Variants in FANCI observed in about 807,000 individuals in gnomAD.
FANCI encodes FA complementation group I.
In FANCI, 156 loss-of-function variants were observed where a neutral mutation model predicts 176.1. The ratio of observed to expected loss-of-function variants is 0.89; its 90% confidence interval spans 0.78 to 1.01. The LOEUF (loss-of-function observed/expected upper bound fraction) is 1.01. FANCI is among the 50% of genes least tolerant of loss of function. FANCI has a pLI of 0.00. For missense variants in FANCI, 1,678 were observed against 1,534.1 expected (o/e 1.09, Z -1.57); for synonymous variants, 613 against 541.7 (o/e 1.13, Z -1.83).
chr15:89,312,977 G>C lies in FANCI; in HGVS notation c.3720+5G>C. The C allele has an allele frequency of 6.2e-7, 1 of 1,613,832 alleles. No homozygotes were observed. The highest frequency in any genetic ancestry group is 8.5e-7 in the Non-Finnish European group (1 of 1,179,806). On this transcript the variant is annotated splice_donor_5th_base_variant and intron_variant, in intron 35 of 37. Transcript: ENST00000310775. ...GCTGCCGTTGCCACAGCCATGGTAAGCTGCTGACACTGACCGTTAAAATAT... is the reference window on the plus strand; with the variant it reads ...GCTGCCGTTGCCACAGCCATGGTAACCTGCTGACACTGACCGTTAAAATAT...
intron 16 of FANCI, 195 bp from the exon 17 acceptor site, chr15:89,282,941 A>G: frequency 3.3e-6 from 2 of 607,366 alleles, no homozygotes; most frequent in Non-Finnish European, 3.0e-6. Flanking sequence ...GAAAAAAGTC[A>G]GTTGAATTTC....
chr15:89,254,464 C>A (rs1266514144), intron 2 of FANCI, among the ~76,000 whole-genome samples: 2 of 152,116 alleles, frequency 1.3e-5, no homozygotes, highest in Admixed American at 1.3e-4. Flanking sequence ...TTGGCCAAAT[C>A]TGGGACTATT....
Position 89,317,055 on chromosome 15 carries a change from T to C in FANCI, c.*596T>C, listed in dbSNP as rs1335030828. The C allele has an allele frequency of 1.7e-6, 1 of 592,976 alleles. No homozygotes were observed. Among genetic ancestry groups the C allele is most frequent in the African/African-American group, 1.9e-5 (1 of 53,718 alleles). The allele number at this position is 592,976 out of a possible 1,614,324, so 36.7% of individuals were successfully genotyped here. On this transcript the variant is annotated 3_prime_UTR_variant, in exon 38 of 38. Coordinates refer to ENST00000310775, the MANE Select transcript of FANCI (RefSeq NM_001113378.2). ...AGCTTTCTGATTTACTTGTTTGGTA[T>C]TTAAAGCACAGTTTGTTTTTCTGTC...
intron 16 of FANCI, 133 bp downstream of exon 16, chr15:89,281,968 C>A: frequency 1.2e-6 from 1 of 822,822 alleles, no homozygotes; most frequent in Admixed American, 1.9e-5. Flanking sequence ...GCAATTTCAT[C>A]AAATAAGGCA....
At chr15:89,311,426 G>T (rs1446596894) in intron 34 of FANCI, among the ~76,000 whole-genome samples, 1 of 152,138 alleles carries the variant, frequency 6.6e-6, no homozygotes, top group East Asian at 1.9e-4. Flanking sequence ...CTCAAAAAAA[G>T]ATGCTTCTCT....
chr15:89,293,813 CTCT>C lies in FANCI; in HGVS notation c.2292-18_2292-16del. Reference sequence around the variant, plus strand: ...TATTCTGATGTTTGTCCTTAGCGGTCTCTTTTTTGTTTTTTACAGTAAGAATAG... The same window carrying C: ...TATTCTGATGTTTGTCCTTAGCGGTCTTTTTGTTTTTTACAGTAAGAATAG... On this transcript the variant is annotated splice_polypyrimidine_tract_variant and intron_variant, in intron 22 of 37. Transcript: ENST00000310775. The C allele has an allele frequency of 6.2e-7, 1 of 1,611,882 alleles. No homozygotes were observed. Among genetic ancestry groups the C allele is most frequent in the South Asian group, 1.1e-5 (1 of 90,882 alleles).
chr15:89,316,229 CCTTCCTCTT>C, intron 37 of FANCI, 159 bp from the exon 38 acceptor site: 1 of 710,080 alleles, frequency 1.4e-6, no homozygotes, highest in South Asian at 1.7e-5. Context: ...TTGGAGGACT[CCTTCCTCTT>C]CTTCAACAAC....
chr15:89,296,651 C>G (rs34026288), intron 24 of FANCI, among the ~76,000 whole-genome samples: 2 of 151,868 alleles, frequency 1.3e-5, no homozygotes, highest in Non-Finnish European at 2.9e-5. Flanking sequence ...ACCTTTCCCC[C>G]CTTTCTATTC....
intron 18 of FANCI, among the ~76,000 whole-genome samples, chr15:89,288,383 A>C (rs911473379): frequency 6.6e-6 from 1 of 152,180 alleles, no homozygotes; most frequent in Non-Finnish European, 1.5e-5. Context: ...AAAAAAATTA[A>C]CATGAAGTGG....
At chr15:89,286,061 G>T (rs56323230) in intron 18 of FANCI, among the ~76,000 whole-genome samples, 4,689 of 151,776 alleles carry the variant, frequency 0.031, 255 homozygotes, top group African/African-American at 0.11. Context: ...TCGGTTCACT[G>T]CAGCCTCCAT....
Position 89,293,353 on chromosome 15 carries a change from G to A in FANCI, c.2291+290G>A, listed in dbSNP as rs184373593. On this transcript the variant is annotated intron_variant, in intron 22 of 37. Coordinates refer to ENST00000310775, the MANE Select transcript of FANCI (RefSeq NM_001113378.2). ...TTTAACATGGAAATTTTGATTGGTG[G>A]TAGTATTGGACTTTAATACTCTGCA... Among the ~76,000 whole-genome samples the A allele has an allele frequency of 2.6e-5, 4 of 152,312 alleles. No homozygotes were observed. In the East Asian group the frequency reaches 5.8e-4, roughly 22 times the overall value.
In FANCI at chr15:89,264,605, C is replaced by G; in HGVS notation, c.753C>G (p.Asp251Glu). The change falls in exon 9 of 38, where the codon GAC (aspartate) becomes GAG (glutamate). Residue 251 changes from aspartate to glutamate, a missense_variant and splice_region_variant. Physicochemically the swap from Asp to Glu is conservative, Grantham distance 45. Around this residue, in one of 3 missense-constraint regions of FANCI, gnomAD observed 469 missense variants for 436.9 expected, o/e 1.07. Coordinates refer to ENST00000310775, the MANE Select transcript of FANCI (RefSeq NM_001113378.2). ...DKQHNEEQSG[D>E]ELLDVVTVPS... ...AGCACAATGAGGAACAGAGTGGTGA[C>G]GAGTGAGTAATATAGTGTAGAAATA... 6.2e-7 allele frequency: 1 copy of G among 1,610,052 alleles called. No homozygotes were observed.
At position 89,290,277 on chromosome 15, in the gene FANCI, C is replaced by T. The variant is rs763438511; in HGVS notation, c.1886C>T (p.Ser629Leu). 5 of 1,612,190 alleles carry T rather than the reference C, an allele frequency of 3.1e-6. No homozygotes were observed. The highest frequency in any genetic ancestry group is 1.7e-4 in the Middle Eastern group (1 of 6,058). Reference protein sequence around the residue: ...LANSVMQTLLSQLKQFYEPKP... With the variant: ...LANSVMQTLLLQLKQFYEPKP... ...AATTCAGTCATGCAAACTCTGCTCT[C>T]ACAGGTAAAATACATTTTTATGGAT... The change falls in exon 19 of 38, where the codon TCA becomes TTA. Residue 629 changes from serine (S) to leucine (L), a missense_variant. By Grantham distance (145) the Ser-to-Leu change is moderately radical. This residue lies in a region of FANCI where 1,204 missense variants were observed against 1,077.4 expected (regional missense o/e 1.12). Coordinates refer to ENST00000310775, the MANE Select transcript of FANCI (RefSeq NM_001113378.2).
intron 37 of FANCI, among the ~76,000 whole-genome samples, chr15:89,315,942 T>C (rs1440986648): frequency 6.6e-6 from 1 of 152,196 alleles, no homozygotes; most frequent in African/African-American, 2.4e-5. Context: ...GTCTAATAAG[T>C]AGCAAATCAG....
At position 89,294,954 on chromosome 15, in the gene FANCI, C is replaced by T. The variant is rs2054197636; in HGVS notation, c.2496C>T (p.Leu832=). 6.4e-7 allele frequency: 1 copy of T among 1,552,212 alleles called. No homozygotes were observed. The highest frequency in any genetic ancestry group is 2.0e-5 in the Admixed American group (1 of 50,976). ...IQSHQESLSV[L]RSSNEFMRYA... ...GCCACCAAGAAAGCCTTTCTGTTCTCAGGTCCAGCAATGAGTTTATGCGCT... is the reference window on the plus strand; with the variant it reads ...GCCACCAAGAAAGCCTTTCTGTTCTTAGGTCCAGCAATGAGTTTATGCGCT... The change falls in exon 24 of 38, where the codon CTC becomes CTT. Residue 832 remains leucine, a synonymous_variant. Coordinates refer to ENST00000310775, the MANE Select transcript of FANCI (RefSeq NM_001113378.2).
In FANCI at chr15:89,292,996, T is replaced by C. The variant is rs770611634; in HGVS notation, c.2224T>C (p.Cys742Arg). 4 of 1,614,036 alleles carry C rather than the reference T, an allele frequency of 2.5e-6. No individual in the cohort carries two copies. Among genetic ancestry groups the C allele is most frequent in the Admixed American group, 3.3e-5 (2 of 60,024 alleles). ...CAGTATTGGCATAAAAAATAATATCTGTGCTTTTCTTGTGATGGGAGTTTG... is the reference window on the plus strand; with the variant it reads ...CAGTATTGGCATAAAAAATAATATCCGTGCTTTTCTTGTGATGGGAGTTTG... ...STSIGIKNNICAFLVMGVCEV... is the reference protein window; with the variant it reads ...STSIGIKNNIRAFLVMGVCEV... Residue 742 changes from cysteine to arginine, a missense_variant, in exon 22 of 38, where the codon TGT (cysteine) becomes CGT (arginine). By Grantham distance (180) the Cys-to-Arg change is radical. Around this residue, in one of 3 missense-constraint regions of FANCI, gnomAD observed 1,204 missense variants for 1,077.4 expected, o/e 1.12. Transcript: ENST00000310775.
chr15:89,313,110 G>T, intron 35 of FANCI, 138 bp downstream of exon 35: 1 of 857,702 alleles, frequency 1.2e-6, no homozygotes, highest in South Asian at 1.4e-5. Flanking sequence ...CATCTAAAAA[G>T]GCAAACTAGA....
At chr15:89,268,729 A>T (rs1273398862) in intron 10 of FANCI, 5 of 575,150 alleles carry the variant, frequency 8.7e-6, no homozygotes, top group Non-Finnish European at 1.5e-5. Context: ...TCACTTTAGC[A>T]GTATACCACA....
chr15:89,287,278 C>T (rs2053856976), intron 18 of FANCI, among the ~76,000 whole-genome samples: 1 of 152,150 alleles, frequency 6.6e-6, no homozygotes, highest in African/African-American at 2.4e-5. Flanking sequence ...CAGCCCCTTG[C>T]ACTTTTATGT....
Sources: allele counts gnomAD v4.1 joint callset (sites outside exome capture counted in the v4.1 genomes callset), GRCh38; gene constraint gnomAD v4.1.1; regional missense constraint gnomAD v4.1.1; transcripts MANE v1.5; gene names NCBI Gene and HGNC (gene_info 2026-07-23, HGNC 2026-07-21).